Variants in HCN1 observed in about 807,000 individuals in gnomAD.
HCN1 encodes potassium/sodium hyperpolarization-activated cyclic nucleotide-gated channel 1.
HCN1 carries 13 observed loss-of-function variants against 78.9 expected under a neutral mutation model. That is an observed-to-expected ratio of 0.16 (90% CI 0.11 to 0.26). The LOEUF is 0.26. Among genes scored for constraint, HCN1 ranks in the 10% least tolerant of loss-of-function variants. The pLI is 1.00. For synonymous variants in HCN1, 552 were observed against 455.5 expected, an observed-to-expected ratio of 1.21 and a Z score of -2.70; for missense variants, 810 against 1,154.3, an observed-to-expected ratio of 0.70 and a Z score of 4.32.
chr5:45,348,044 A>T (rs1254821555), intron 5 of HCN1, among the ~76,000 whole-genome samples: 2 of 152,128 alleles, frequency 1.3e-5, no homozygotes, highest in East Asian at 3.9e-4. Flanking sequence ...GAGAAGAGCA[A>T]CTCCAAGACA....
intron 2 of HCN1, among the ~76,000 whole-genome samples, chr5:45,462,974 A>T (rs1741192552): frequency 6.6e-6 from 1 of 152,030 alleles, no homozygotes; most frequent in Non-Finnish European, 1.5e-5. Flanking sequence ...TTGTAGAACT[A>T]AGTTTTGTTA....
chr5:45,677,987 CAT>C (rs1277717048), intron 1 of HCN1, among the ~76,000 whole-genome samples: 2 of 70,392 alleles, frequency 2.8e-5, no homozygotes, highest in African/African-American at 1.3e-4. Context: ...TACACACACA[CAT>C]ACACACACAC....
At chr5:45,504,241 C>T (rs1171729775) in intron 2 of HCN1, among the ~76,000 whole-genome samples, 1 of 152,042 alleles carries the variant, frequency 6.6e-6, no homozygotes, top group Non-Finnish European at 1.5e-5. Context: ...CTAATGCTTT[C>T]CCTCCCCTCT....
chr5:45,395,942 A>C (rs1485499008), intron 4 of HCN1, among the ~76,000 whole-genome samples: 5 of 152,150 alleles, frequency 3.3e-5, no homozygotes, highest in Non-Finnish European at 7.4e-5. Context: ...TAATTAGCAC[A>C]TTGAGCATAA....
intron 6 of HCN1, among the ~76,000 whole-genome samples, chr5:45,296,102 G>A (rs1341241686): frequency 6.6e-6 from 1 of 151,976 alleles, no homozygotes; most frequent in African/African-American, 2.4e-5. Flanking sequence ...AAATATGAAT[G>A]AGATTAAAAG....
At chr5:45,387,964 A>G (rs1747961608) in intron 4 of HCN1, among the ~76,000 whole-genome samples, 1 of 152,174 alleles carries the variant, frequency 6.6e-6, no homozygotes, top group African/African-American at 2.4e-5. Flanking sequence ...GCAACTTTCC[A>G]TTTGATATTT....
chr5:45,657,055 G>T, intron 1 of HCN1, among the ~76,000 whole-genome samples: 1 of 152,088 alleles, frequency 6.6e-6, no homozygotes, highest in East Asian at 1.9e-4. Flanking sequence ...GGAAGAAAAT[G>T]ATTCTACCAG....
Position 45,346,648 on chromosome 5 carries a change from G to T in HCN1, c.1377+6452C>A, listed in dbSNP as rs534391070. Among the ~76,000 whole-genome samples the T allele has an allele frequency of 2.6e-5, 4 of 152,262 alleles. No individual in the cohort carries two copies. In the East Asian group the frequency reaches 7.8e-4, roughly 30 times the overall value. The stretch of plus-strand genomic sequence containing the variant: ...TGACAGATGGCACCTGGAAAATCGG[G>T]TCACTCCCACCCTAATACTGCGCTT... On this transcript the variant is annotated intron_variant, in intron 5 of 7. Transcript: ENST00000303230.
intron 3 of HCN1, among the ~76,000 whole-genome samples, chr5:45,428,183 C>T (rs1006425255): frequency 6.6e-6 from 1 of 151,868 alleles, no homozygotes; most frequent in Non-Finnish European, 1.5e-5. Context: ...ATGATAGATG[C>T]AACATTTGTA....
chr5:45,414,550 T>C (rs1740083660), intron 3 of HCN1, among the ~76,000 whole-genome samples: 1 of 152,006 alleles, frequency 6.6e-6, no homozygotes, highest in African/African-American at 2.4e-5. Flanking sequence ...CTTGATTGAC[T>C]CCATGCTGTA....
intron 2 of HCN1, among the ~76,000 whole-genome samples, chr5:45,471,490 T>C (rs553135365): frequency 6.6e-6 from 1 of 151,914 alleles, no homozygotes; most frequent in Non-Finnish European, 1.5e-5. Context: ...CTTTCAACTC[T>C]TAAAAAGTTT....
chr5:45,522,916 G>C (rs934950791), intron 2 of HCN1, among the ~76,000 whole-genome samples: 3 of 151,646 alleles, frequency 2.0e-5, no homozygotes, highest in African/African-American at 7.3e-5. Context: ...GTGCAGGTTA[G>C]TTACATATGT....
intron 4 of HCN1, among the ~76,000 whole-genome samples, chr5:45,367,900 G>A (rs1399035037): frequency 1.3e-5 from 2 of 151,868 alleles, no homozygotes; most frequent in African/African-American, 4.8e-5. Context: ...ATAAAATGAG[G>A]GTGAGTCAAG....
chr5:45,694,042 A>T (rs982714458), intron 1 of HCN1, among the ~76,000 whole-genome samples: 2 of 152,194 alleles, frequency 1.3e-5, no homozygotes, highest in Admixed American at 1.3e-4. Flanking sequence ...CTTGATTCCC[A>T]CCTTTAAAAT....
rs549934266 is a variant in HCN1, at chr5:45,376,678, T to C, written c.1230+19814A>G. ...TGCAGGGCAGACGTGATTATGTTTA[T>C]ATCTTCATGAGGACCCTGAGGTTCA... is the stretch of plus-strand genomic sequence containing the variant. On this transcript the variant is annotated intron_variant, in intron 4 of 7. Coordinates refer to ENST00000303230, the MANE Select transcript of HCN1 (RefSeq NM_021072.4). Among the ~76,000 whole-genome samples, 12 of 152,056 alleles carry C rather than the reference T, an allele frequency of 7.9e-5. 1 individual carries two copies. The South Asian group carries it at 2.5e-3, about 32-fold the overall frequency.
intron 2 of HCN1, among the ~76,000 whole-genome samples, chr5:45,495,874 T>C (rs1220350956): frequency 6.6e-6 from 1 of 152,218 alleles, no homozygotes; most frequent in East Asian, 1.9e-4. Context: ...GGTTTTGGTC[T>C]TTGGTTCTGT....
chr5:45,387,704 T>C (rs1747954150), intron 4 of HCN1, among the ~76,000 whole-genome samples: 1 of 152,112 alleles, frequency 6.6e-6, no homozygotes, highest in African/African-American at 2.4e-5. Context: ...TCTATCAACT[T>C]ACAGCACCAG....
intron 3 of HCN1, among the ~76,000 whole-genome samples, chr5:45,425,814 C>A (rs1422632409): frequency 6.6e-6 from 1 of 152,064 alleles, no homozygotes; most frequent in Admixed American, 6.6e-5. Context: ...GGAATCAAGT[C>A]AGGAGAGAAG....
chr5:45,648,094 C>T lies in HCN1; in HGVS notation c.426-2486G>A, dbSNP rs1580016868. Reference sequence around the variant, plus strand: ...AGACGATATATGCTAATCCCAGGGCCTGGCATATAATTGTGGCACACAATG... The same window carrying T: ...AGACGATATATGCTAATCCCAGGGCTTGGCATATAATTGTGGCACACAATG... On this transcript the variant is annotated intron_variant, in intron 1 of 7. Transcript: ENST00000303230. Among the ~76,000 whole-genome samples, 3 of 152,150 alleles carry T rather than the reference C, an allele frequency of 2.0e-5. No individual in the cohort carries two copies. The East Asian group carries it at 5.8e-4, about 29-fold the overall frequency.
Sources: gnomAD v4.1 joint callset for allele counts (sites outside exome capture counted in the v4.1 genomes callset) on GRCh38, gnomAD v4.1.1 for gene constraint, MANE v1.5 for transcripts, NCBI Gene and HGNC (gene_info 2026-07-23, HGNC 2026-07-21) for gene names.